Variants in GGT1 observed in about 807,000 individuals in gnomAD.
The protein encoded by GGT1 is glutathione hydrolase 1 proenzyme.
GGT1 carries 21 observed loss-of-function variants against 56.0 expected under a neutral mutation model. That is an observed-to-expected ratio of 0.38 (90% CI 0.27 to 0.54). The LOEUF (loss-of-function observed/expected upper bound fraction) is 0.54. Ranked by LOEUF, GGT1 falls within the 20% of genes least tolerant of loss-of-function variation. The pLI is 0.82. For synonymous variants in GGT1, 238 were observed against 342.6 expected (o/e 0.69, Z 3.37); for missense variants, 466 against 787.0 (o/e 0.59, Z 4.88).
intron 7 of GGT1, among the ~76,000 whole-genome samples, chr22:24,617,648 C>T (rs2047156524): frequency 1.3e-5 from 2 of 151,858 alleles, no homozygotes; most frequent in Non-Finnish European, 2.9e-5. Flanking sequence ...CTAATGGAGA[C>T]AGGCAGGGTT....
the GGT1 span, among the ~76,000 whole-genome samples, chr22:24,584,297 G>A: frequency 6.6e-6 from 1 of 152,202 alleles, no homozygotes; most frequent in Non-Finnish European, 1.5e-5. Flanking sequence ...CCCAAAAAGG[G>A]AAAGGCCTGG....
intron 11 of GGT1, 80 bp downstream of exon 11, chr22:24,623,996 C>A (rs2047590977): frequency 6.3e-7 from 1 of 1,583,730 alleles, no homozygotes; most frequent in Admixed American, 1.8e-5. Context: ...GTGGCTACAG[C>A]CTCACATATG....
intron 7 of GGT1, among the ~76,000 whole-genome samples, chr22:24,616,536 CTTTTTTCTTTT>C (rs1173669413): frequency 4.7e-4 from 70 of 149,814 alleles, no homozygotes; most frequent in East Asian, 2.9e-3. Context: ...CAATCTTTGA[CTTTTTTCTTTT>C]TTTTTTCTTT....
chr22:24,587,831 T>A, the GGT1 span, among the ~76,000 whole-genome samples: 3 of 152,054 alleles, frequency 2.0e-5, no homozygotes, highest in African/African-American at 7.2e-5. Flanking sequence ...AAAATGAGAA[T>A]CGCGATCCAG....
chr22:24,601,780 C>G (rs2045786842), upstream of GGT1, among the ~76,000 whole-genome samples: 1 of 152,244 alleles, frequency 6.6e-6, no homozygotes, highest in Non-Finnish European at 1.5e-5. Flanking sequence ...CGGCACCCGC[C>G]CCGGGCTGTG....
At chr22:24,611,278 G>A (rs759537819) in intron 5 of GGT1, 33 bp downstream of exon 5, 35 of 1,354,598 alleles carry the variant, frequency 2.6e-5, no homozygotes, top group Non-Finnish European at 3.6e-5. Flanking sequence ...CATGGGCCCT[G>A]AAAACTGGGC....
In GGT1 at chr22:24,617,722, C is replaced by T. The variant is rs535975646; in HGVS notation, c.382+2595C>T. On this transcript the variant is annotated intron_variant, in intron 7 of 15. Coordinates refer to ENST00000400382, the MANE Select transcript of GGT1 (RefSeq NM_001288833.2). ...TTTGGGCACGTTGAAGTTTGAGATGCTTTCTTCGAGCAGGCAGGTAGATCC... is the reference window on the plus strand; with the variant it reads ...TTTGGGCACGTTGAAGTTTGAGATGTTTTCTTCGAGCAGGCAGGTAGATCC... 2.2e-3 allele frequency among the ~76,000 whole-genome samples: 339 copies of T among 152,114 alleles called. 4 individuals carry two copies. The highest frequency in any genetic ancestry group is 7.7e-3 in the African/African-American group (319 of 41,472).
rs183193539 is a variant in GGT1 at position 24,615,139 on chromosome 22, G to T, written c.382+12G>T. 9.0e-5 allele frequency: 144 copies of T among 1,597,434 alleles called. No individual in the cohort carries two copies. The highest frequency in any genetic ancestry group is 1.9e-4 in the African/African-American group (14 of 74,340). On this transcript the variant is annotated intron_variant, in intron 7 of 15. Transcript: ENST00000400382. ...GCAGTCCCAGAAGGGTAAGCCATGCGGCAGACTTGGGGCGTGGGTGCAGAG... is the reference window on the plus strand; with the variant it reads ...GCAGTCCCAGAAGGGTAAGCCATGCTGCAGACTTGGGGCGTGGGTGCAGAG...
In GGT1 at chr22:24,623,794, C is replaced by T. The variant is rs185947660; in HGVS notation, c.898C>T (p.Arg300Trp). ...TGATCAACCAGGGTACAACTTCTCCCGGGAGAGCGTGGAGAGCCCCGAGCA... is the reference window on the plus strand; with the variant it reads ...TGATCAACCAGGGTACAACTTCTCCTGGGAGAGCGTGGAGAGCCCCGAGCA... ...LNILKGYNFSRESVESPEQKG... is the reference protein window; with the variant it reads ...LNILKGYNFSWESVESPEQKG... The change falls in exon 11 of 16, where the codon CGG becomes TGG. Residue 300 changes from arginine to tryptophan, a missense_variant. Coordinates refer to ENST00000400382, the MANE Select transcript of GGT1 (RefSeq NM_001288833.2). 228 of 1,611,852 alleles carry T rather than the reference C, an allele frequency of 1.4e-4. No homozygotes were observed. In the Middle Eastern group the frequency reaches 1.6e-3, roughly 11 times the overall value.
At chr22:24,592,817 A>G, upstream of GGT1, 2 of 1,253,630 alleles carry the variant, frequency 1.6e-6, no homozygotes, top group Non-Finnish European at 2.0e-6. Context: ...AGACCCCCAG[A>G]CCCTCCCTGG....
the GGT1 span, among the ~76,000 whole-genome samples, chr22:24,586,688 C>T: frequency 2.0e-5 from 3 of 152,348 alleles, no homozygotes; most frequent in South Asian, 2.1e-4. Flanking sequence ...TGTGCCACCA[C>T]GCCTGGCTAA....
chr22:24,586,157 C>G, the GGT1 span: 2 of 1,613,404 alleles, frequency 1.2e-6, no homozygotes, highest in South Asian at 1.1e-5. Context: ...AGTGAGCTTG[C>G]GGGCAGTGGC....
Position 24,624,748 on chromosome 22 carries a change from G to A in GGT1, c.1020+832G>A, listed in dbSNP as rs4049837. 17 of 886,026 alleles carry A rather than the reference G, an allele frequency of 1.9e-5. No homozygotes were observed. The Admixed American group carries it at 3.7e-4, about 19-fold the overall frequency. The allele number at this position is 886,026 out of a possible 1,614,324, so 54.9% of individuals were successfully genotyped here. A position where few individuals can be genotyped will look rare whatever the true frequency, so the allele number is the denominator to read the frequency against. On this transcript the variant is annotated intron_variant, in intron 11 of 15. Coordinates refer to ENST00000400382, the MANE Select transcript of GGT1 (RefSeq NM_001288833.2). ...TACTTCTTTATCACGGCTTATTCCC[G>A]AAAGAAAGGCAGCTGTTGTTGCTCT...
intron 11 of GGT1, among the ~76,000 whole-genome samples, chr22:24,626,079 G>A (rs1337099033): frequency 3.0e-5 from 4 of 133,716 alleles, no homozygotes; most frequent in Non-Finnish European, 6.2e-5. Context: ...TGCAAGCTCC[G>A]CCTCCCAGGT....
At chr22:24,599,137 T>G (rs1367708816), upstream of GGT1, 1 of 152,170 alleles carries the variant, frequency 6.6e-6, no homozygotes, top group Non-Finnish European at 1.5e-5. Flanking sequence ...ACCTGACAGC[T>G]GGCATCCATC....
At position 24,608,020 on chromosome 22, in the gene GGT1, T is replaced by C. The variant is rs1479944122; in HGVS notation, c.-362T>C. 2 of 468,918 alleles carry C rather than the reference T, an allele frequency of 4.3e-6. No homozygotes were observed. The highest frequency in any genetic ancestry group is 4.7e-5 in the Admixed American group (2 of 42,510). 29.0% of individuals were successfully genotyped at this position (468,918 alleles called of 1,614,324 possible). A position where few individuals can be genotyped will look rare whatever the true frequency, so the allele number is the denominator to read the frequency against. ...CCTGGGCCCCCACTGTCCCCAGGCC[T>C]CAGGTAAGCCCATCAGGGTCCCAAG... On this transcript the variant is annotated 5_prime_UTR_variant, in exon 2 of 16. Transcript: ENST00000400382.
chr22:24,610,862 T>C lies in GGT1; in HGVS notation c.-7-213T>C, dbSNP rs552992466. 7.7e-3 allele frequency among the ~76,000 whole-genome samples: 1,158 copies of C among 150,262 alleles called. 8 individuals carry two copies. The highest frequency in any genetic ancestry group is 0.027 in the African/African-American group (1,126 of 40,978). On this transcript the variant is annotated intron_variant, in intron 4 of 15. Transcript: ENST00000400382. ...GGCTCTGAAGATAAGCAGGGAGGATTTGGGAGGGCAGAGATGAGGCCCAGA... is the reference window on the plus strand; with the variant it reads ...GGCTCTGAAGATAAGCAGGGAGGATCTGGGAGGGCAGAGATGAGGCCCAGA...
intron 4 of GGT1, among the ~76,000 whole-genome samples, chr22:24,610,829 C>T (rs1397484668): frequency 6.7e-6 from 1 of 150,242 alleles, no homozygotes; most frequent in Non-Finnish European, 1.5e-5. Flanking sequence ...GGGGTTCTTA[C>T]CAGGATGGGC....
chr22:24,598,667 C>G (rs55674735), upstream of GGT1, among the ~76,000 whole-genome samples: 3,242 of 152,208 alleles, frequency 0.021, 52 homozygotes, highest in Middle Eastern at 0.041. Context: ...GATCCTCCCC[C>G]CTCAGCCTCC....
Sources: gnomAD v4.1 joint callset for allele counts (sites outside exome capture counted in the v4.1 genomes callset) on GRCh38, gnomAD v4.1.1 for gene constraint, MANE v1.5 for transcripts, NCBI Gene and HGNC (gene_info 2026-07-23, HGNC 2026-07-21) for gene names.